MCF2L: variants seen among roughly 807,000 people sequenced by gnomAD.
MCF2L encodes guanine nucleotide exchange factor DBS.
MCF2L carries 97 observed loss-of-function variants against 153.4 expected under a neutral mutation model. That is an observed-to-expected ratio of 0.63 (90% CI 0.54 to 0.75). The LOEUF (loss-of-function observed/expected upper bound fraction) is 0.75. Ranked by LOEUF, MCF2L falls within the 30% of genes least tolerant of loss-of-function variation. The probability of loss-of-function intolerance (pLI) is 0.00; values close to 1 mark genes in which losing one functional copy is unlikely to be tolerated. For missense variants in MCF2L, 1,347 were observed against 1,495.2 expected, an observed-to-expected ratio of 0.90 and a Z score of 1.64; for synonymous variants, 659 against 632.2, an observed-to-expected ratio of 1.04 and a Z score of -0.64.
chr13:112,957,765 A>G (rs1289473147), intron 2 of MCF2L: 1 of 152,160 alleles, frequency 6.6e-6, no homozygotes, highest in Non-Finnish European at 1.5e-5. Flanking sequence ...CTCTTCTTCC[A>G]CCTTGTGTAT....
intron 2 of MCF2L, among the ~76,000 whole-genome samples, chr13:113,017,404 C>T (rs1440475741): frequency 4.6e-5 from 7 of 152,216 alleles, no homozygotes; most frequent in Non-Finnish European, 8.8e-5. Flanking sequence ...TCCTCTTCTG[C>T]CTCAAAGCCC....
chr13:113,065,307 T>C, intron 7 of MCF2L: 1 of 562,190 alleles, frequency 1.8e-6, no homozygotes, highest in Non-Finnish European at 3.1e-6. Flanking sequence ...AAATGAACCC[T>C]GTAGATTGCT....
upstream of MCF2L, chr13:112,968,659 C>T (rs765738376): frequency 1.3e-6 from 2 of 1,512,632 alleles, no homozygotes; most frequent in East Asian, 2.6e-5. Flanking sequence ...ACGGAAGGGG[C>T]GCGCTGGGCT....
intron 4 of MCF2L, among the ~76,000 whole-genome samples, chr13:113,049,183 A>C (rs1035589739): frequency 4.6e-5 from 7 of 152,214 alleles, no homozygotes; most frequent in Non-Finnish European, 8.8e-5. Context: ...CACAAGGCCA[A>C]GGAGGCAGGA....
chr13:113,088,724 C>A, intron 25 of MCF2L, 96 bp downstream of exon 25: 2 of 1,300,322 alleles, frequency 1.5e-6, no homozygotes, highest in Non-Finnish European at 1.1e-6. Context: ...CAGTGGGACC[C>A]TGTGGTTATT....
intron 2 of MCF2L, among the ~76,000 whole-genome samples, chr13:113,019,975 G>T (rs1476703180): frequency 1.3e-5 from 2 of 152,120 alleles, no homozygotes; most frequent in South Asian, 4.2e-4. Flanking sequence ...TGTTACGGCC[G>T]CCCAGACAGA....
chr13:113,013,481 G>C (rs60560314), intron 1 of MCF2L, among the ~76,000 whole-genome samples: 1 of 152,328 alleles, frequency 6.6e-6, no homozygotes, highest in East Asian at 1.9e-4. Flanking sequence ...GCCCAGGAGG[G>C]GCCCCTTTGT....
chr13:113,075,340 T>C (rs2033357566), intron 11 of MCF2L, 151 bp downstream of exon 11: 1 of 614,434 alleles, frequency 1.6e-6, no homozygotes, highest in Admixed American at 3.5e-5. Flanking sequence ...CTTGTTGGCC[T>C]AGAGGGTCTT....
At chr13:112,913,046 G>C (rs1268665884) in intron 2 of MCF2L, among the ~76,000 whole-genome samples, 2 of 144,478 alleles carry the variant, frequency 1.4e-5, no homozygotes, top group East Asian at 4.2e-4. Context: ...GTGTGTCTGT[G>C]GTGTATCTGT....
At position 112,908,156 on chromosome 13, in the gene MCF2L, C is replaced by T. The variant is rs373547755; in HGVS notation, c.169+5785C>T. On this transcript the variant is annotated intron_variant, in intron 2 of 29. Coordinates refer to the MCF2L transcript ENST00000375608. Reference sequence around the variant, plus strand: ...GTTGGAAGCATGGCTGGTATCTGCTCGTGTCCAATGCCAAGGGTGTGGGCA... The same window carrying T: ...GTTGGAAGCATGGCTGGTATCTGCTTGTGTCCAATGCCAAGGGTGTGGGCA... Among the ~76,000 whole-genome samples, 28 of 152,280 alleles carry T rather than the reference C, an allele frequency of 1.8e-4. No homozygotes were observed. In the East Asian group the frequency reaches 4.6e-3, roughly 25 times the overall value.
chr13:113,076,304 G>C (rs546879178), intron 12 of MCF2L, 147 bp downstream of exon 12: 11 of 588,534 alleles, frequency 1.9e-5, no homozygotes, highest in Non-Finnish European at 2.8e-5. Flanking sequence ...CGCTCTTGTC[G>C]CCCAGGCTGG....
intron 2 of MCF2L, among the ~76,000 whole-genome samples, chr13:113,023,533 G>A (rs1209789354): frequency 1.3e-5 from 2 of 152,202 alleles, no homozygotes; most frequent in African/African-American, 4.8e-5. Context: ...AGACAAAGCT[G>A]CAGTTGTCGG....
rs2081477429 is a variant in MCF2L, at chr13:112,932,892, G to A, written c.169+30521G>A. On this transcript the variant is annotated intron_variant, in intron 2 of 29. Coordinates refer to the MCF2L transcript ENST00000375608. The surrounding 1 kb of genome is among the most constrained non-coding windows in gnomAD (Gnocchi z 4.6). The stretch of plus-strand genomic sequence containing the variant: ...CTAAAAATACAAAAATTAGCCTGGT[G>A]TGGTGACACACACCTGTAATCCCAG... Among the ~76,000 whole-genome samples, 1 of 152,268 alleles carries A rather than the reference G, an allele frequency of 6.6e-6. No individual in the cohort carries two copies. Among genetic ancestry groups the A allele is most frequent in the South Asian group, 2.1e-4 (1 of 4,824 alleles).
rs1265804093 is a variant in MCF2L at position 113,028,422 on chromosome 13, C to T, written c.278+3664C>T. Among the ~76,000 whole-genome samples, 1 of 152,230 alleles carries T rather than the reference C, an allele frequency of 6.6e-6. No individual in the cohort carries two copies. The highest frequency in any genetic ancestry group is 2.4e-5 in the African/African-American group (1 of 41,458). On this transcript the variant is annotated intron_variant, in intron 3 of 29. Transcript: ENST00000535094. This position sits in a 1 kb window ranked among gnomAD's most constrained non-coding sequence, Gnocchi z 5.4. ...CTGCCCCACTTGTCTGTCTGCTTCTCCTGAGATCCAGGAATCTCAGATGGG... is the reference window on the plus strand; with the variant it reads ...CTGCCCCACTTGTCTGTCTGCTTCTTCTGAGATCCAGGAATCTCAGATGGG...
upstream of MCF2L, chr13:112,968,685 G>A: frequency 6.9e-7 from 1 of 1,453,940 alleles, no homozygotes; most frequent in East Asian, 2.8e-5. Flanking sequence ...GGCCTCTGCA[G>A]CTTCTACACC....
chr13:113,066,075 G>A lies in MCF2L; in HGVS notation c.786G>A (p.Gly262=). 2.5e-6 allele frequency: 4 copies of A among 1,613,208 alleles called. No individual in the cohort carries two copies. The highest frequency in any genetic ancestry group is 3.4e-6 in the Non-Finnish European group (4 of 1,179,896). The change falls in exon 8 of 30, where the codon GGG becomes GGA. Residue 262 remains glycine (G), a synonymous_variant. Transcript: ENST00000535094. Reference sequence around the variant, plus strand: ...ATTTGAGGCTGGCACTGAAAGAGGGGCACAGTGTCCTGGAGAGCCTCAGGG... The same window carrying A: ...ATTTGAGGCTGGCACTGAAAGAGGGACACAGTGTCCTGGAGAGCCTCAGGG... The part of the protein sequence containing the change: ...KEDLRLALKE[G]HSVLESLREL...
chr13:113,023,363 C>G (rs78905007), intron 2 of MCF2L, among the ~76,000 whole-genome samples: 12,963 of 152,274 alleles, frequency 0.085, 649 homozygotes, highest in Middle Eastern at 0.19. Context: ...AGGAGACGCC[C>G]ACAGGGAGCC....
At chr13:113,000,913 G>C (rs569437259) in intron 1 of MCF2L, among the ~76,000 whole-genome samples, 1 of 152,246 alleles carries the variant, frequency 6.6e-6, no homozygotes, top group Admixed American at 6.5e-5. Flanking sequence ...TCCAGCAGTG[G>C]GTGTGATATT....
At chr13:112,926,980 C>A (rs1380606184) in intron 2 of MCF2L, among the ~76,000 whole-genome samples, 3 of 152,200 alleles carry the variant, frequency 2.0e-5, no homozygotes, top group African/African-American at 7.2e-5. Flanking sequence ...TGCATACATA[C>A]TTCAGACCAT....
Sources: allele counts gnomAD v4.1 joint callset (sites outside exome capture counted in the v4.1 genomes callset), GRCh38; gene constraint gnomAD v4.1.1; non-coding constraint Gnocchi (gnomAD v3.1); transcripts MANE v1.5; gene names NCBI Gene and HGNC (gene_info 2026-07-23, HGNC 2026-07-21).